The following CFAP61 variants were observed in gnomAD, a reference collection of about 807,000 sequenced individuals.
The protein encoded by CFAP61 is cilia- and flagella-associated protein 61.
A neutral mutation model predicts 135.6 loss-of-function variants in CFAP61; 107 were observed. The ratio of observed to expected loss-of-function variants is 0.79; its 90% CI spans 0.67 to 0.93. The LOEUF (loss-of-function observed/expected upper bound fraction) is 0.93, where lower values mean the gene tolerates loss of function less well. CFAP61 is among the 40% of genes least tolerant of loss of function. The pLI, the probability that CFAP61 is intolerant of heterozygous loss-of-function variation, is 0.00. For synonymous variants in CFAP61, 575 were observed against 578.5 expected (o/e 0.99, Z 0.09); for missense variants, 1,507 against 1,556.2 (o/e 0.97, Z 0.53).
At position 20,139,437 on chromosome 20, in the gene CFAP61, G is replaced by A. The variant is rs557212105; in HGVS notation, c.860-3420G>A. 2.6e-5 allele frequency among the ~76,000 whole-genome samples: 4 copies of A among 152,326 alleles called. 1 individual carries two copies. The South Asian group carries it at 8.3e-4, about 32-fold the overall frequency. ...TTACTCCCACTAGAGTAAACCAATAGTTCATGACTTCTAAACTACTTAGAT... is the reference window on the plus strand; with the variant it reads ...TTACTCCCACTAGAGTAAACCAATAATTCATGACTTCTAAACTACTTAGAT... On this transcript the variant is annotated intron_variant, in intron 8 of 26. Transcript: ENST00000245957.
chr20:20,320,895 G>A lies in CFAP61; in HGVS notation c.3423-20936G>A, dbSNP rs930956162. Among the ~76,000 whole-genome samples the A allele has an allele frequency of 4.7e-5, 7 of 150,192 alleles. 1 individual carries two copies. Among genetic ancestry groups the A allele is most frequent in the African/African-American group, 1.7e-4 (7 of 40,720 alleles). On this transcript the variant is annotated intron_variant, in intron 25 of 26. Transcript: ENST00000245957. ...TGGGCCAAAGAGGAGAGGAGGGAGG[G>A]GTCCTGGACACAATTAATTACTTGG... is the stretch of plus-strand genomic sequence containing the variant.
At chr20:20,131,767 T>C (rs2050546506) in intron 8 of CFAP61, among the ~76,000 whole-genome samples, 1 of 152,134 alleles carries the variant, frequency 6.6e-6, no homozygotes, top group African/African-American at 2.4e-5. Flanking sequence ...GTATTTAAAC[T>C]ATAAATATCC....
At chr20:20,341,666 C>T (rs1343786888) in intron 25 of CFAP61, among the ~76,000 whole-genome samples, 165 bp from the exon 26 acceptor site, 1 of 152,166 alleles carries the variant, frequency 6.6e-6, no homozygotes, top group East Asian at 1.9e-4. Context: ...GCAGGAACAT[C>T]CATTTAAAAA....
rs536969817 is a variant in CFAP61, at chr20:20,341,003, C to T, written c.3423-828C>T. ...GAACTAACTTTTACGTCTTGGAAAA[C>T]GGAAGGTGCCCATTCACGTGGGGGC... On this transcript the variant is annotated intron_variant, in intron 25 of 26. Transcript: ENST00000245957. Among the ~76,000 whole-genome samples the T allele has an allele frequency of 5.3e-5, 8 of 152,164 alleles. No individual in the cohort carries two copies. The East Asian group carries it at 1.2e-3, about 22-fold the overall frequency.
chr20:20,147,877 G>A (rs1359557991), intron 9 of CFAP61, among the ~76,000 whole-genome samples: 1 of 151,988 alleles, frequency 6.6e-6, no homozygotes, highest in Non-Finnish European at 1.5e-5. Flanking sequence ...AATTTTTATG[G>A]TTTCAGGTCT....
At chr20:20,251,929 A>G (rs1376949318) in intron 20 of CFAP61, among the ~76,000 whole-genome samples, 166 bp downstream of exon 20, 1 of 152,220 alleles carries the variant, frequency 6.6e-6, no homozygotes, top group African/African-American at 2.4e-5. Flanking sequence ...ACACATAACC[A>G]GAATTATGTC....
intron 17 of CFAP61, among the ~76,000 whole-genome samples, chr20:20,209,934 C>T (rs111562566): frequency 1.4e-4 from 22 of 152,094 alleles, no homozygotes; most frequent in Admixed American, 1.2e-3. Context: ...TCCAGGCCCC[C>T]GCAGCCCTCA....
chr20:20,259,256 T>C (rs2051949349), intron 20 of CFAP61, among the ~76,000 whole-genome samples: 1 of 128,440 alleles, frequency 7.8e-6, no homozygotes, highest in African/African-American at 3.0e-5. Context: ...TTTTTTTTTT[T>C]TTTTTTTTTT....
intron 6 of CFAP61, among the ~76,000 whole-genome samples, chr20:20,084,158 C>CT (rs1359836493): frequency 1.3e-5 from 2 of 152,176 alleles, no homozygotes; most frequent in African/African-American, 4.8e-5. Context: ...ACTGCATTCT[C>CT]TATCACTACC....
intron 25 of CFAP61, among the ~76,000 whole-genome samples, chr20:20,307,221 T>G (rs1569276124): frequency 6.6e-6 from 1 of 152,184 alleles, no homozygotes; most frequent in South Asian, 2.1e-4. Context: ...GAAAGGACAC[T>G]AGACTAAGAC....
At chr20:20,265,464 G>T in intron 21 of CFAP61, 1 of 779,770 alleles carries the variant, frequency 1.3e-6, no homozygotes, top group Non-Finnish European at 2.4e-6. Context: ...AGTTGTCAGG[G>T]ATGGTGATGC....
At chr20:20,257,662 T>C (rs1045594305) in intron 20 of CFAP61, among the ~76,000 whole-genome samples, 18 of 142,860 alleles carry the variant, frequency 1.3e-4, no homozygotes, top group Non-Finnish European at 2.5e-4. Flanking sequence ...AAAGAAAATA[T>C]AGAATTTCAT....
intron 8 of CFAP61, among the ~76,000 whole-genome samples, chr20:20,110,680 T>C (rs1442811217): frequency 1.3e-5 from 2 of 152,170 alleles, no homozygotes; most frequent in Non-Finnish European, 2.9e-5. Context: ...CAAATCACTA[T>C]AACCACGGTC....
intron 17 of CFAP61, among the ~76,000 whole-genome samples, chr20:20,204,536 C>T (rs2146902806): frequency 6.6e-6 from 1 of 152,312 alleles, no homozygotes; most frequent in East Asian, 1.9e-4. Flanking sequence ...TTACTGGATA[C>T]TGTTTCACTT....
At chr20:20,054,017 T>TGTTTTG (rs761128007) in intron 1 of CFAP61, among the ~76,000 whole-genome samples, 1 of 147,632 alleles carries the variant, frequency 6.8e-6, no homozygotes, top group African/African-American at 2.5e-5. Context: ...TTGTTTGTTT[T>TGTTTTG]TTTTTTTTTT....
intron 13 of CFAP61, among the ~76,000 whole-genome samples, chr20:20,180,149 T>C (rs1020497028): frequency 6.6e-6 from 1 of 152,036 alleles, no homozygotes; most frequent in South Asian, 2.1e-4. Context: ...CCAGCATCTA[T>C]AGGGAACTTA....
chr20:20,343,010 G>GCCACCACA (rs2058502106), intron 26 of CFAP61, among the ~76,000 whole-genome samples: 3 of 152,090 alleles, frequency 2.0e-5, no homozygotes, highest in African/African-American at 7.2e-5. Flanking sequence ...ACAGGCACCC[G>GCCACCACA]CCACCACACC....
At chr20:20,113,836 A>G (rs1219056280) in intron 8 of CFAP61, among the ~76,000 whole-genome samples, 2 of 152,122 alleles carry the variant, frequency 1.3e-5, no homozygotes, top group Non-Finnish European at 2.9e-5. Context: ...TTTGTCAACA[A>G]TACACTGTCT....
chr20:20,247,069 C>T (rs1343786395), intron 19 of CFAP61, among the ~76,000 whole-genome samples: 1 of 152,180 alleles, frequency 6.6e-6, no homozygotes, highest in East Asian at 1.9e-4. Flanking sequence ...CTGCCCCTGC[C>T]ACGAAGGGCC....
Sources: allele counts gnomAD v4.1 joint callset (sites outside exome capture counted in the v4.1 genomes callset), GRCh38; gene constraint gnomAD v4.1.1; transcripts MANE v1.5; gene names NCBI Gene and HGNC (gene_info 2026-07-23, HGNC 2026-07-21).